The following TMEM119 variants were observed in gnomAD, a reference collection of about 807,000 sequenced individuals.
TMEM119 encodes osteoblast induction factor.
For missense variants in TMEM119, 410 were observed against 381.0 expected, an observed-to-expected ratio of 1.08 and a Z score of -0.63; for synonymous variants, 182 against 176.4, an observed-to-expected ratio of 1.03 and a Z score of -0.25.
rs371159772 is a variant in TMEM119, at chr12:108,595,312, CCA to C, written c.-15+2656_-15+2657del. Among the ~76,000 whole-genome samples the C allele has an allele frequency of 1.4e-3, 212 of 149,172 alleles. 1 individual carries two copies. The highest frequency in any genetic ancestry group is 4.1e-3 in the African/African-American group (165 of 40,596). ...CCCCACACATAATCATGCACACACG[CCA>C]CACACACACACACCCATATACACAC... On this transcript the variant is annotated intron_variant, in intron 1 of 1. Coordinates refer to ENST00000392806, the MANE Select transcript of TMEM119 (RefSeq NM_181724.3).
intron 1 of TMEM119, among the ~76,000 whole-genome samples, chr12:108,595,705 A>G (rs2031494843): frequency 6.6e-6 from 1 of 152,002 alleles, no homozygotes; most frequent in Non-Finnish European, 1.5e-5. Context: ...CACACACCAC[A>G]CACTCTGAGC....
At chr12:108,593,725 C>T (rs1432861329) in intron 1 of TMEM119, among the ~76,000 whole-genome samples, 1 of 152,252 alleles carries the variant, frequency 6.6e-6, no homozygotes, top group African/African-American at 2.4e-5. Context: ...CCCCAAGACC[C>T]CACCTGGCCC....
At chr12:108,595,441 A>G (rs1296554915) in intron 1 of TMEM119, among the ~76,000 whole-genome samples, 1 of 149,370 alleles carries the variant, frequency 6.7e-6, no homozygotes, top group Non-Finnish European at 1.5e-5. Flanking sequence ...ACACATGCAC[A>G]TACTACACAC....
In TMEM119 at chr12:108,592,311, C is replaced by T. The variant is rs539667542; in HGVS notation, c.73G>A (p.Ala25Thr). The T allele has an allele frequency of 1.8e-5, 29 of 1,601,502 alleles. No individual in the cohort carries two copies. In the South Asian group the frequency reaches 2.2e-4, roughly 12 times the overall value. The change falls in exon 2 of 2, where the codon GCC becomes ACC. Residue 25 changes from alanine to threonine, a missense_variant. Coordinates refer to ENST00000392806, the MANE Select transcript of TMEM119 (RefSeq NM_181724.3). This position sits in a 1 kb window ranked among gnomAD's most constrained non-coding sequence, Gnocchi z 4.3. ...GTGGCCTTCAGGGGCACAGAGCGGGCGTCGGTAGCAGGCACAGACCCCAGG... is the reference window on the plus strand; with the variant it reads ...GTGGCCTTCAGGGGCACAGAGCGGGTGTCGGTAGCAGGCACAGACCCCAGG... The part of the protein sequence containing the change: ...LLLGSVPATD[A>T]RSVPLKATFL...
In TMEM119 at chr12:108,592,010, G is replaced by A. The variant is rs759235601; in HGVS notation, c.374C>T (p.Ser125Leu). Residue 125 changes from serine to leucine, a missense_variant, in exon 2 of 2, where the codon TCG (serine) becomes TTG (leucine). Physicochemically the swap from Ser to Leu is moderately radical, Grantham distance 145. Transcript: ENST00000392806. The surrounding 1 kb of genome is among the most constrained non-coding windows in gnomAD (Gnocchi z 4.3). ...AVITRQKQKA[S>L]AYYPSSFPKK... ...GGGGAAGGACGATGGGTAATAGGCC[G>A]AGGCCTTCTGCTTCTGCCGGGTGAT... 42 of 1,613,876 alleles carry A rather than the reference G, an allele frequency of 2.6e-5. No homozygotes were observed. Among genetic ancestry groups the A allele is most frequent in the Non-Finnish European group, 3.4e-5 (40 of 1,179,944 alleles).
chr12:108,593,395 G>A (rs1405004932), intron 1 of TMEM119, among the ~76,000 whole-genome samples: 1 of 151,828 alleles, frequency 6.6e-6, no homozygotes, highest in African/African-American at 2.4e-5. Context: ...AGTGAGCCGA[G>A]ATCGCGCCAC....
In TMEM119 at chr12:108,591,426, C is replaced by T; in HGVS notation, c.*106G>A. 1 of 1,326,320 alleles carries T rather than the reference C, an allele frequency of 7.5e-7. No homozygotes were observed. Among genetic ancestry groups the T allele is most frequent in the Non-Finnish European group, 1.0e-6 (1 of 979,304 alleles). 82.2% of individuals were successfully genotyped at this position (1,326,320 alleles called of 1,614,324 possible). A position where few individuals can be genotyped will look rare whatever the true frequency, so the allele number is the denominator to read the frequency against. On this transcript the variant is annotated 3_prime_UTR_variant, in exon 2 of 2. Coordinates refer to ENST00000392806, the MANE Select transcript of TMEM119 (RefSeq NM_181724.3). This position sits in a 1 kb window ranked among gnomAD's most constrained non-coding sequence, Gnocchi z 4.2. ...TGCTGGGATTGGCACCACAGGGAGGCCAAGGAGGGAGTGTCAGGAAGCAGT... is the reference window on the plus strand; with the variant it reads ...TGCTGGGATTGGCACCACAGGGAGGTCAAGGAGGGAGTGTCAGGAAGCAGT...
In TMEM119 at chr12:108,591,946, GC is replaced by G; in HGVS notation, c.437del (p.Gly146AlafsTer114). On this transcript the variant is annotated frameshift_variant, in exon 2 of 2. Coordinates refer to ENST00000392806, the MANE Select transcript of TMEM119 (RefSeq NM_181724.3). LOFTEE classifies it low-confidence loss of function (END_TRUNC). This position sits in a 1 kb window ranked among gnomAD's most constrained non-coding sequence, Gnocchi z 4.2. Reference protein sequence around the residue: ...KYVDQSDRAGGPRAFSEVPDR... With the variant: ...KYVDQSDRAGXPRAFSEVPDR... Reference sequence around the variant, plus strand: ...CGGGGACCTCACTGAAGGCCCGGGGGCCCCCGGCCCGGTCACTCTGGTCCAC... The same window carrying G: ...CGGGGACCTCACTGAAGGCCCGGGGGCCCCGGCCCGGTCACTCTGGTCCAC... The G allele has an allele frequency of 6.2e-7, 1 of 1,612,876 alleles. No homozygotes were observed. The highest frequency in any genetic ancestry group is 1.7e-5 in the Admixed American group (1 of 59,896).
intron 1 of TMEM119, among the ~76,000 whole-genome samples, chr12:108,593,791 G>A (rs1382987297): frequency 6.6e-6 from 1 of 152,236 alleles, no homozygotes; most frequent in Non-Finnish European, 1.5e-5. Context: ...GAGGAGCTGA[G>A]TTTCAAAACA....
chr12:108,594,547 T>A (rs2031472394), intron 1 of TMEM119: 3 of 34,754 alleles, frequency 8.6e-5, no homozygotes, highest in African/African-American at 6.1e-4. Flanking sequence ...AGCAAGAACC[T>A]GTCAAAAAAA....
intron 1 of TMEM119, among the ~76,000 whole-genome samples, chr12:108,595,973 C>T (rs566052586): frequency 1.3e-5 from 2 of 152,290 alleles, no homozygotes; most frequent in South Asian, 4.1e-4. Context: ...CAAGTTCTGG[C>T]TGGGTCAAGA....
Position 108,591,500 on chromosome 12 carries a change from C to T in TMEM119, c.*32G>A, listed in dbSNP as rs762587238. On this transcript the variant is annotated 3_prime_UTR_variant, in exon 2 of 2. Transcript: ENST00000392806. The surrounding 1 kb of genome is among the most constrained non-coding windows in gnomAD (Gnocchi z 4.2). ...ACGGGGAGGTGACCACTTGGGGGCC[C>T]GACAGTCAGGGCTGGCAGCCCGGGA... The T allele has an allele frequency of 9.7e-6, 15 of 1,540,256 alleles. No individual in the cohort carries two copies. Among genetic ancestry groups the T allele is most frequent in the South Asian group, 2.5e-5 (2 of 80,504 alleles).
Position 108,591,724 on chromosome 12 carries a change from C to G in TMEM119, c.660G>C (p.Gln220His). 3 of 1,608,900 alleles carry G rather than the reference C, an allele frequency of 1.9e-6. No homozygotes were observed. Among genetic ancestry groups the G allele is most frequent in the Non-Finnish European group, 2.5e-6 (3 of 1,177,406 alleles). Reference sequence around the variant, plus strand: ...GTGTCTCCACTGGGACCCCATGTCCCTGGACTTCCTGGTCCCCCTCCTGGC... The same window carrying G: ...GTGTCTCCACTGGGACCCCATGTCCGTGGACTTCCTGGTCCCCCTCCTGGC... ...KGSQEGDQEV[Q>H]GHGVPVETPE... The change falls in exon 2 of 2, where the codon CAG (glutamine) becomes CAC (histidine). Residue 220 changes from glutamine (Q) to histidine (H), a missense_variant. Gln to His is a conservative substitution (Grantham distance 24). Transcript: ENST00000392806. This position sits in a 1 kb window ranked among gnomAD's most constrained non-coding sequence, Gnocchi z 4.2.
At position 108,591,945 on chromosome 12, in the gene TMEM119, G is replaced by A. The variant is rs754466306; in HGVS notation, c.439C>T (p.Pro147Ser). Reference protein sequence around the residue: ...YVDQSDRAGGPRAFSEVPDRA... With the variant: ...YVDQSDRAGGSRAFSEVPDRA... The stretch of plus-strand genomic sequence containing the variant: ...TCGGGGACCTCACTGAAGGCCCGGG[G>A]GCCCCCGGCCCGGTCACTCTGGTCC... The change falls in exon 2 of 2, where the codon CCC becomes TCC. Residue 147 changes from proline to serine, a missense_variant. Physicochemically the swap from Pro to Ser is moderately conservative, Grantham distance 74. Coordinates refer to ENST00000392806, the MANE Select transcript of TMEM119 (RefSeq NM_181724.3). The surrounding 1 kb of genome is among the most constrained non-coding windows in gnomAD (Gnocchi z 4.2). 7 of 1,612,822 alleles carry A rather than the reference G, an allele frequency of 4.3e-6. No homozygotes were observed. Among genetic ancestry groups the A allele is most frequent in the East Asian group, 2.2e-5 (1 of 44,844 alleles).
rs560845549 is a variant in TMEM119 at position 108,596,276 on chromosome 12, C to T, written c.-15+1694G>A. On this transcript the variant is annotated intron_variant, in intron 1 of 1. Transcript: ENST00000392806. ...GGGAACATGCGCTCACTGTCTGGTC[C>T]GGCCGCCACCCAGTGAAAGACCAAC... is the stretch of plus-strand genomic sequence containing the variant. Among the ~76,000 whole-genome samples, 6 of 152,268 alleles carry T rather than the reference C, an allele frequency of 3.9e-5. No individual in the cohort carries two copies. In the East Asian group the frequency reaches 7.7e-4, roughly 20 times the overall value.
In TMEM119 at chr12:108,591,511, G is replaced by T. The variant is rs751508493; in HGVS notation, c.*21C>A. The T allele has an allele frequency of 2.6e-6, 4 of 1,557,900 alleles. No homozygotes were observed. The African/African-American group carries it at 4.1e-5, about 16-fold the overall frequency. ...ACCACTTGGGGGCCCGACAGTCAGG[G>T]CTGGCAGCCCGGGAGGACTGTTAGA... On this transcript the variant is annotated 3_prime_UTR_variant, in exon 2 of 2. Coordinates refer to ENST00000392806, the MANE Select transcript of TMEM119 (RefSeq NM_181724.3). The surrounding 1 kb of genome is among the most constrained non-coding windows in gnomAD (Gnocchi z 4.2).
intron 1 of TMEM119, among the ~76,000 whole-genome samples, chr12:108,595,502 C>T (rs955068115): frequency 1.0e-4 from 15 of 150,112 alleles, no homozygotes; most frequent in Middle Eastern, 6.9e-3. Flanking sequence ...CATGCACACA[C>T]GCCACACATA....
chr12:108,591,790 C>A lies in TMEM119; in HGVS notation c.594G>T (p.Arg198Ser). The stretch of plus-strand genomic sequence containing the variant: ...CCTCTGCGCCCCTGCCCTCCACCAT[C>A]CTGGCTCCGTCCCCACCGCCCAGTG... ...RAALGGGDGA[R>S]MVEGRGAEEE... is the part of the protein sequence containing the mutation. Residue 198 changes from arginine (R) to serine (S), a missense_variant, in exon 2 of 2, where the codon AGG becomes AGT. Arg to Ser is a moderately radical substitution (Grantham distance 110). Transcript: ENST00000392806. This position sits in a 1 kb window ranked among gnomAD's most constrained non-coding sequence, Gnocchi z 4.2. The A allele has an allele frequency of 6.3e-7, 1 of 1,592,670 alleles. No homozygotes were observed. The highest frequency in any genetic ancestry group is 8.6e-7 in the Non-Finnish European group (1 of 1,168,780).
chr12:108,593,502 G>C (rs2031454359), intron 1 of TMEM119, among the ~76,000 whole-genome samples: 1 of 152,072 alleles, frequency 6.6e-6, no homozygotes, highest in African/African-American at 2.4e-5. Context: ...CTCTGAGCTA[G>C]GCAGGGGTCA....
Sources: allele counts gnomAD v4.1 joint callset (sites outside exome capture counted in the v4.1 genomes callset), GRCh38; gene constraint gnomAD v4.1.1; non-coding constraint Gnocchi (gnomAD v3.1); transcripts MANE v1.5; gene names NCBI Gene and HGNC (gene_info 2026-07-23, HGNC 2026-07-21).